GPC5: variants seen among roughly 807,000 people sequenced by gnomAD.
GPC5 encodes the protein glypican 5.
In GPC5, 47 loss-of-function variants were observed where a neutral mutation model predicts 53.9. The observed-to-expected ratio is 0.87, with a 90% CI of 0.69 to 1.11. The LOEUF (loss-of-function observed/expected upper bound fraction) is 1.11. Ranked by LOEUF, GPC5 falls within the 50% of genes most tolerant of loss-of-function variation. GPC5 has a pLI of 0.00. For synonymous variants in GPC5, 286 were observed against 263.3 expected (o/e 1.09, Z -0.84); for missense variants, 748 against 713.1 (o/e 1.05, Z -0.56).
chr13:92,102,524 C>T lies in GPC5; in HGVS notation c.1402-42306C>T, dbSNP rs1205350402. On this transcript the variant is annotated intron_variant, in intron 6 of 7. Transcript: ENST00000377067. ...TGTGACTCAGAATAAGACAATGTTT[C>T]TCCTAAGATATAAGCCTTTTCCTAA... 3.9e-5 allele frequency among the ~76,000 whole-genome samples: 6 copies of T among 152,074 alleles called. No homozygotes were observed. The East Asian group carries it at 1.2e-3, about 29-fold the overall frequency.
intron 7 of GPC5, among the ~76,000 whole-genome samples, chr13:92,325,133 T>C: frequency 8.3e-6 from 1 of 120,294 alleles, no homozygotes; most frequent in Admixed American, 8.3e-5. Flanking sequence ...CACACACACG[T>C]AGGTATATAT....
intron 5 of GPC5, among the ~76,000 whole-genome samples, chr13:91,832,708 C>T (rs2038676323): frequency 6.6e-6 from 1 of 151,992 alleles, no homozygotes; most frequent in Non-Finnish European, 1.5e-5. Context: ...AACAAAGACA[C>T]AACGTACCAG....
At chr13:92,562,796 C>T (rs1482704084) in intron 7 of GPC5, among the ~76,000 whole-genome samples, 1 of 151,882 alleles carries the variant, frequency 6.6e-6, no homozygotes, top group African/African-American at 2.4e-5. Flanking sequence ...TCTTTTATGC[C>T]TACAAAATGG....
chr13:91,675,526 G>C (rs559831944), intron 2 of GPC5, among the ~76,000 whole-genome samples: 10 of 152,176 alleles, frequency 6.6e-5, no homozygotes, highest in Non-Finnish European at 1.5e-4. Flanking sequence ...TGGACTGTAA[G>C]TATAGTGGGA....
At chr13:92,408,538 G>A (rs762059159) in intron 7 of GPC5, among the ~76,000 whole-genome samples, 6 of 151,966 alleles carry the variant, frequency 3.9e-5, no homozygotes, top group Middle Eastern at 3.2e-3. Context: ...TTTGTGCAGT[G>A]ATAGAATGGC....
chr13:91,503,086 ACAT>A (rs1423821099), intron 2 of GPC5, among the ~76,000 whole-genome samples: 2 of 152,024 alleles, frequency 1.3e-5, no homozygotes, highest in African/African-American at 4.8e-5. Context: ...ACTTAGAAAA[ACAT>A]CAATATATTT....
chr13:92,713,406 C>T (rs935575817), intron 7 of GPC5, among the ~76,000 whole-genome samples: 2 of 141,686 alleles, frequency 1.4e-5, no homozygotes, highest in Non-Finnish European at 3.0e-5. Flanking sequence ...TCCTGGCTAA[C>T]ACAGTGAAAC....
At chr13:91,465,605 C>A (rs1179658588) in intron 2 of GPC5, among the ~76,000 whole-genome samples, 2 of 152,084 alleles carry the variant, frequency 1.3e-5, no homozygotes, top group Non-Finnish European at 2.9e-5. Context: ...CTTTGTAACT[C>A]TTGTATTTTG....
In GPC5 at chr13:91,821,628, A is replaced by C. The variant is rs150233274; in HGVS notation, c.1280+65208A>C. 8.0e-3 allele frequency among the ~76,000 whole-genome samples: 1,225 copies of C among 152,266 alleles called. 17 individuals carry two copies. Among genetic ancestry groups the C allele is most frequent in the African/African-American group, 0.028 (1,167 of 41,560 alleles). On this transcript the variant is annotated intron_variant, in intron 5 of 7. Transcript: ENST00000377067. Reference sequence around the variant, plus strand: ...GGTTTCCCTCTATTTTTAGTTTGCTAAGAATTTTTTAATGAATGGATATTG... The same window carrying C: ...GGTTTCCCTCTATTTTTAGTTTGCTCAGAATTTTTTAATGAATGGATATTG...
chr13:91,898,345 C>T (rs1320923786), intron 5 of GPC5, among the ~76,000 whole-genome samples: 1 of 152,130 alleles, frequency 6.6e-6, no homozygotes, highest in East Asian at 1.9e-4. Flanking sequence ...TAACTAATGA[C>T]ACATATTTGC....
chr13:92,278,281 G>T (rs184547750), intron 7 of GPC5, among the ~76,000 whole-genome samples: 1 of 151,906 alleles, frequency 6.6e-6, no homozygotes, highest in Admixed American at 6.6e-5. Flanking sequence ...AGCAGTAATT[G>T]CCAACTTAAA....
intron 2 of GPC5, among the ~76,000 whole-genome samples, chr13:91,648,971 A>G (rs1183536519): frequency 1.3e-5 from 2 of 152,094 alleles, no homozygotes; most frequent in African/African-American, 4.8e-5. Context: ...GTGTCATGGG[A>G]GGGACCCAGT....
chr13:92,298,748 A>G (rs1293076731), intron 7 of GPC5, among the ~76,000 whole-genome samples: 1 of 151,958 alleles, frequency 6.6e-6, no homozygotes, highest in East Asian at 1.9e-4. Context: ...TTCCTGATTT[A>G]TTCCTGTAGT....
At chr13:92,671,636 T>A (rs1886755247) in intron 7 of GPC5, among the ~76,000 whole-genome samples, 1 of 152,176 alleles carries the variant, frequency 6.6e-6, no homozygotes, top group African/African-American at 2.4e-5. Flanking sequence ...ATGGGCAGAA[T>A]TCAGATAGAT....
intron 2 of GPC5, among the ~76,000 whole-genome samples, chr13:91,556,363 C>A (rs2030947247): frequency 6.6e-6 from 1 of 151,918 alleles, no homozygotes; most frequent in Non-Finnish European, 1.5e-5. Flanking sequence ...TTTGATCCAG[C>A]AATCCCACTA....
rs342692 is a variant in GPC5, at chr13:91,705,912, T to G, written c.1020+12031T>G. Among the ~76,000 whole-genome samples, 135 of 147,526 alleles carry G rather than the reference T, an allele frequency of 9.2e-4. 2 individuals carry two copies. The South Asian group carries it at 0.018, about 20-fold the overall frequency. ...TTTTTTTTTTTGAGATGGAGTTTTGTTCTTGTCGCCCAGGTTGGAGTGCAG... is the reference window on the plus strand; with the variant it reads ...TTTTTTTTTTTGAGATGGAGTTTTGGTCTTGTCGCCCAGGTTGGAGTGCAG... On this transcript the variant is annotated intron_variant, in intron 3 of 7. Transcript: ENST00000377067.
At chr13:92,664,165 G>A (rs1328910944) in intron 7 of GPC5, among the ~76,000 whole-genome samples, 3 of 151,970 alleles carry the variant, frequency 2.0e-5, no homozygotes, top group Non-Finnish European at 4.4e-5. Context: ...AGGACTGCAT[G>A]TGAAAGTTGT....
At chr13:92,151,471 G>A (rs926818881) in intron 7 of GPC5, among the ~76,000 whole-genome samples, 11 of 152,054 alleles carry the variant, frequency 7.2e-5, no homozygotes, top group Non-Finnish European at 1.0e-4. Context: ...TTAAAACACC[G>A]TATATTAGCA....
intron 7 of GPC5, among the ~76,000 whole-genome samples, chr13:92,771,894 A>C (rs562585215): frequency 6.6e-6 from 1 of 152,276 alleles, no homozygotes; most frequent in East Asian, 1.9e-4. Flanking sequence ...ATATCTAATA[A>C]ATAGGAAAAT....
Sources: allele counts gnomAD v4.1 joint callset (sites outside exome capture counted in the v4.1 genomes callset), GRCh38; gene constraint gnomAD v4.1.1; transcripts MANE v1.5; gene names NCBI Gene and HGNC (gene_info 2026-07-23, HGNC 2026-07-21).